The following MORC2 variants were observed in gnomAD, a reference collection of about 807,000 sequenced individuals.
MORC2 encodes the protein MORC family CW-type zinc finger 2.
A neutral mutation model predicts 136.0 loss-of-function variants in MORC2; 30 were observed. That is an observed-to-expected ratio of 0.22 (90% CI 0.17 to 0.30). The LOEUF is 0.30. Ranked by LOEUF, MORC2 falls within the 10% of genes least tolerant of loss-of-function variation. The pLI is 1.00. For synonymous variants in MORC2, 439 were observed against 487.0 expected, an observed-to-expected ratio of 0.90 and a Z score of 1.30; for missense variants, 922 against 1,333.1, an observed-to-expected ratio of 0.69 and a Z score of 4.80.
chr22:30,933,973 T>C (rs2040615606), intron 20 of MORC2, 87 bp downstream of exon 20: 32 of 1,537,548 alleles, frequency 2.1e-5, no homozygotes, highest in Non-Finnish European at 2.5e-5. Context: ...GTGGATGGTA[T>C]AGACTGCTGA....
chr22:30,939,236 T>TA (rs771568313), intron 12 of MORC2, among the ~76,000 whole-genome samples: 5 of 152,026 alleles, frequency 3.3e-5, no homozygotes, highest in Admixed American at 6.6e-5. Context: ...ATATGTAACA[T>TA]AAAAAATAGG....
chr22:30,950,337 G>GCTGCCCC, intron 4 of MORC2, 40 bp downstream of exon 4: 1 of 761,768 alleles, frequency 1.3e-6, no homozygotes, highest in Non-Finnish European at 2.3e-6. Flanking sequence ...TGGTTACATC[G>GCTGCCCC]CACCCCCCCA....
chr22:30,933,883 C>T (rs912739644), intron 20 of MORC2, among the ~76,000 whole-genome samples, 177 bp downstream of exon 20: 7 of 151,846 alleles, frequency 4.6e-5, no homozygotes, highest in Admixed American at 1.3e-4. Flanking sequence ...TTCTGGAAGG[C>T]TCATGACACG....
At chr22:30,927,979 C>T (rs1057506277) in intron 25 of MORC2, 40 bp downstream of exon 25, 2 of 1,609,160 alleles carry the variant, frequency 1.2e-6, no homozygotes, top group Admixed American at 1.7e-5. Context: ...CCCTGAGAGA[C>T]CAGGTGGTCC....
At chr22:30,967,664 G>A in intron 1 of MORC2, 158 bp downstream of exon 1, 1 of 1,420,560 alleles carries the variant, frequency 7.0e-7, no homozygotes, top group Non-Finnish European at 9.2e-7. Context: ...ACTGATCTCA[G>A]TTCTTCAATA....
Position 30,968,594 on chromosome 22 carries a change from G to C in MORC2, c.-705C>G, listed in dbSNP as rs4820920. On this transcript the variant is annotated 5_prime_UTR_variant, in exon 1 of 26. Transcript: ENST00000397641. ...ACAAATGACCCGCCCACAGCACCTCGGGCAGGCCGCGCCCCGCCCCCACGT... is the reference window on the plus strand; with the variant it reads ...ACAAATGACCCGCCCACAGCACCTCCGGCAGGCCGCGCCCCGCCCCCACGT... Among the ~76,000 whole-genome samples the C allele has an allele frequency of 2.0e-5, 3 of 152,104 alleles. No individual in the cohort carries two copies. Among genetic ancestry groups the C allele is most frequent in the African/African-American group, 4.8e-5 (2 of 41,484 alleles).
chr22:30,958,935 C>T (rs2041005057), intron 1 of MORC2: 1 of 423,458 alleles, frequency 2.4e-6, no homozygotes, highest in Non-Finnish European at 4.3e-6. Flanking sequence ...GGGAAACCCA[C>T]CCTGAAGCAT....
rs543575421 is a variant in MORC2 at position 30,934,663 on chromosome 22, G to A, written c.2193+118C>T. 28 of 1,402,188 alleles carry A rather than the reference G, an allele frequency of 2.0e-5. 1 individual carries two copies. The South Asian group carries it at 3.4e-4, about 17-fold the overall frequency. 86.9% of individuals were successfully genotyped at this position (1,402,188 alleles called of 1,614,324 possible). A position where few individuals can be genotyped will look rare whatever the true frequency, so the allele number is the denominator to read the frequency against. Reference sequence around the variant, plus strand: ...AGGCTTCCCGTCCTCAGGGGCAGCAGCAAAGCTTTAGATTCAGTATCTTCC... The same window carrying A: ...AGGCTTCCCGTCCTCAGGGGCAGCAACAAAGCTTTAGATTCAGTATCTTCC... On this transcript the variant is annotated intron_variant, in intron 19 of 25. Transcript: ENST00000397641. This position sits in a 1 kb window ranked among gnomAD's most constrained non-coding sequence, Gnocchi z 4.4.
At chr22:30,965,373 G>A (rs1243070482) in intron 1 of MORC2, among the ~76,000 whole-genome samples, 1 of 152,164 alleles carries the variant, frequency 6.6e-6, no homozygotes, top group East Asian at 1.9e-4. Flanking sequence ...ATCTTTATGA[G>A]CTACAAGTCA....
At chr22:30,963,352 T>C in intron 1 of MORC2, 1 of 981,710 alleles carries the variant, frequency 1.0e-6, no homozygotes, top group Non-Finnish European at 1.2e-6. Flanking sequence ...AAGACAAAGA[T>C]TTTTTGAAAA....
At chr22:30,933,055 G>C (rs759293041) in intron 21 of MORC2, 25 bp from the exon 22 acceptor site, 7 of 1,612,698 alleles carry the variant, frequency 4.3e-6, no homozygotes, top group Non-Finnish European at 5.9e-6. Context: ...AGAGGTGCGA[G>C]TCAGAAAACT....
rs2147277098 is a variant in MORC2 at position 30,946,549 on chromosome 22, A to AG, written c.318-101dup. The AG allele has an allele frequency of 4.7e-6, 5 of 1,058,718 alleles. No homozygotes were observed. In the East Asian group the frequency reaches 1.0e-4, roughly 22 times the overall value. 65.6% of individuals were successfully genotyped at this position (1,058,718 alleles called of 1,614,324 possible). ...TGGACATGATTGAAAGTGCCACTGG[A>AG]GGGCTCTCCTAAAGGCCCCCCCAGG... On this transcript the variant is annotated intron_variant, in intron 5 of 25. Coordinates refer to ENST00000397641, the MANE Select transcript of MORC2 (RefSeq NM_001303256.3).
At chr22:30,929,310 C>T (rs760694102) in intron 24 of MORC2, among the ~76,000 whole-genome samples, 3 of 152,108 alleles carry the variant, frequency 2.0e-5, no homozygotes, top group Non-Finnish European at 4.4e-5. Context: ...ATAATTGTTA[C>T]ATTAGTTTTT....
Position 30,941,590 on chromosome 22 carries a change from A to T in MORC2, c.699-32T>A, listed in dbSNP as rs547567110. 1 of 1,604,366 alleles carries T rather than the reference A, an allele frequency of 6.2e-7. No homozygotes were observed. The highest frequency in any genetic ancestry group is 2.2e-5 in the East Asian group (1 of 44,600). On this transcript the variant is annotated intron_variant, in intron 8 of 25. Transcript: ENST00000397641. The surrounding 1 kb of genome is among the most constrained non-coding windows in gnomAD (Gnocchi z 4.6). ...AGGGCAAAAACAGAGAAGTGCTGTC[A>T]CCTGCTCCACAACAGGCCTGACCAA...
intron 5 of MORC2, among the ~76,000 whole-genome samples, chr22:30,948,850 T>C (rs1327178893): frequency 6.6e-6 from 1 of 152,156 alleles, no homozygotes; most frequent in Non-Finnish European, 1.5e-5. Flanking sequence ...GTGTCTGTTA[T>C]TACCATTTGG....
chr22:30,936,738 G>C lies in MORC2; in HGVS notation c.1605-95C>G, dbSNP rs5997815. 3.5e-4 allele frequency: 528 copies of C among 1,499,438 alleles called. 1 individual carries two copies. The African/African-American group carries it at 5.8e-3, about 16-fold the overall frequency. 92.9% of individuals were successfully genotyped at this position (1,499,438 alleles called of 1,614,324 possible). ...AGCCAGTCTACACTGTCTGTCACAA[G>C]AGCAACCACCTCAGAGTTCCCAATG... On this transcript the variant is annotated intron_variant, in intron 16 of 25. Coordinates refer to ENST00000397641, the MANE Select transcript of MORC2 (RefSeq NM_001303256.3).
chr22:30,932,161 C>T lies in MORC2; in HGVS notation c.2841+198G>A. On this transcript the variant is annotated intron_variant, in intron 24 of 25. Coordinates refer to ENST00000397641, the MANE Select transcript of MORC2 (RefSeq NM_001303256.3). The surrounding 1 kb of genome is among the most constrained non-coding windows in gnomAD (Gnocchi z 4.4). ...GGCTTTCTGCACACCAGAGTCATAT[C>T]CAGCTAAGCCAATTTTTTTCCCACA... 1.8e-6 allele frequency: 1 copy of T among 569,254 alleles called. No individual in the cohort carries two copies. The highest frequency in any genetic ancestry group is 3.1e-6 in the Non-Finnish European group (1 of 324,260). 35.3% of individuals were successfully genotyped at this position (569,254 alleles called of 1,614,324 possible).
chr22:30,946,773 C>T (rs544371843), intron 5 of MORC2, among the ~76,000 whole-genome samples: 3 of 152,164 alleles, frequency 2.0e-5, no homozygotes, highest in African/African-American at 7.2e-5. Flanking sequence ...TCACTCCCCC[C>T]ACAACGCTGA....
At chr22:30,960,747 T>A (rs1045429198) in intron 1 of MORC2, among the ~76,000 whole-genome samples, 4 of 134,428 alleles carry the variant, frequency 3.0e-5, no homozygotes, top group South Asian at 2.4e-4. Flanking sequence ...CGCCTCGGCC[T>A]CCCAAAGTGC....
Sources: allele counts gnomAD v4.1 joint callset (sites outside exome capture counted in the v4.1 genomes callset), GRCh38; gene constraint gnomAD v4.1.1; non-coding constraint Gnocchi (gnomAD v3.1); transcripts MANE v1.5; gene names NCBI Gene and HGNC (gene_info 2026-07-23, HGNC 2026-07-21).